The following GABPB2 variants were observed in gnomAD, a reference collection of about 807,000 sequenced individuals.
GABPB2 encodes GA-binding protein subunit beta-2.
In GABPB2, 23 loss-of-function variants were observed where a neutral mutation model predicts 39.1. The ratio of observed to expected loss-of-function variants is 0.59; its 90% CI spans 0.42 to 0.83. The LOEUF (loss-of-function observed/expected upper bound fraction) is 0.83. Among genes scored for constraint, GABPB2 ranks in the 40% least tolerant of loss-of-function variants. The probability of loss-of-function intolerance (pLI) is 0.00; values close to 1 mark genes in which losing one functional copy is unlikely to be tolerated. For missense variants in GABPB2, 467 were observed against 541.1 expected (o/e 0.86, Z 1.36); for synonymous variants, 184 against 199.3 (o/e 0.92, Z 0.65).
Position 151,118,131 on chromosome 1 carries a change from G to A in GABPB2, c.1222G>A (p.Val408Met), listed in dbSNP as rs779608321. Residue 408 changes from valine to methionine, a missense_variant, in exon 9 of 9, where the codon GTG becomes ATG. Transcript: ENST00000368918. ...NGVDFTMVEEVAEVDAVVVTE... is the reference protein window; with the variant it reads ...NGVDFTMVEEMAEVDAVVVTE... Reference sequence around the variant, plus strand: ...AGTTGATTTCACCATGGTTGAAGAGGTGGCTGAGGTAGATGCTGTAGTAGT... The same window carrying A: ...AGTTGATTTCACCATGGTTGAAGAGATGGCTGAGGTAGATGCTGTAGTAGT... 2.7e-5 allele frequency: 43 copies of A among 1,614,076 alleles called. No homozygotes were observed. Among genetic ancestry groups the A allele is most frequent in the South Asian group, 1.1e-4 (10 of 91,088 alleles).
At chr1:151,109,600 C>T (rs1417072079) in intron 7 of GABPB2, among the ~76,000 whole-genome samples, 1 of 151,226 alleles carries the variant, frequency 6.6e-6, no homozygotes, top group Non-Finnish European at 1.5e-5. Context: ...ACCTCGTGAT[C>T]CACCCTCCTC....
intron 1 of GABPB2, among the ~76,000 whole-genome samples, chr1:151,074,403 T>A (rs1318820780): frequency 6.7e-6 from 1 of 148,686 alleles, no homozygotes; most frequent in African/African-American, 2.5e-5. Context: ...CTCCACTTCC[T>A]GGGTTCACGC....
At chr1:151,073,283 A>G (rs1676875874) in intron 1 of GABPB2, 1 of 152,172 alleles carries the variant, frequency 6.6e-6, no homozygotes, top group Non-Finnish European at 1.5e-5. Context: ...TGGCTTCCCA[A>G]AGCACTGGGA....
chr1:151,110,045 A>C, intron 7 of GABPB2, among the ~76,000 whole-genome samples: 1 of 66,594 alleles, frequency 1.5e-5, no homozygotes, highest in Admixed American at 2.4e-4. Flanking sequence ...TTTTTTTTGC[A>C]GAGACAGGGT....
chr1:151,081,119 C>T (rs962723609), intron 1 of GABPB2, among the ~76,000 whole-genome samples: 3 of 151,350 alleles, frequency 2.0e-5, no homozygotes, highest in Non-Finnish European at 4.4e-5. Context: ...GTCATCCGCC[C>T]GTCTCGGCCT....
rs1164224832 is a variant in GABPB2, at chr1:151,120,073, C to T, written c.*1817C>T. 1 of 151,836 alleles carries T rather than the reference C, an allele frequency of 6.6e-6. No individual in the cohort carries two copies. Among genetic ancestry groups the T allele is most frequent in the Non-Finnish European group, 1.5e-5 (1 of 68,054 alleles). 9.4% of individuals were successfully genotyped at this position (151,836 alleles called of 1,614,324 possible). A position where few individuals can be genotyped will look rare whatever the true frequency, so the allele number is the denominator to read the frequency against. On this transcript the variant is annotated 3_prime_UTR_variant, in exon 9 of 9. Coordinates refer to ENST00000368918, the MANE Select transcript of GABPB2 (RefSeq NM_144618.3). ...TAAAAATACAAAATTAGGGCCAGAC[C>T]CGGCAGCTCATGCCTGTAATCCCAG...
chr1:151,082,934 C>A (rs1677848050), intron 1 of GABPB2, among the ~76,000 whole-genome samples: 1 of 151,000 alleles, frequency 6.6e-6, no homozygotes. Context: ...TATGATCATA[C>A]CACTGCACTC....
chr1:151,087,900 T>C (rs1678338154), intron 1 of GABPB2, among the ~76,000 whole-genome samples: 2 of 152,248 alleles, frequency 1.3e-5, no homozygotes, highest in South Asian at 4.1e-4. Flanking sequence ...GGGAATGAAA[T>C]GGTGTTTTAT....
At position 151,074,442 on chromosome 1, in the gene GABPB2, C is replaced by T. The variant is rs1676992700; in HGVS notation, c.-1+3508C>T. ...TATCCTGCCTCAGCCTCTCGAATAGCTGGGACTGCAGGCCCCCGCCACCAT... is the reference window on the plus strand; with the variant it reads ...TATCCTGCCTCAGCCTCTCGAATAGTTGGGACTGCAGGCCCCCGCCACCAT... On this transcript the variant is annotated intron_variant, in intron 1 of 8. Coordinates refer to ENST00000368918, the MANE Select transcript of GABPB2 (RefSeq NM_144618.3). Among the ~76,000 whole-genome samples the T allele has an allele frequency of 2.0e-5, 3 of 150,574 alleles. No homozygotes were observed. In the South Asian group the frequency reaches 6.3e-4, roughly 32 times the overall value.
At chr1:151,073,910 C>T (rs1676933252) in intron 1 of GABPB2, among the ~76,000 whole-genome samples, 2 of 151,110 alleles carry the variant, frequency 1.3e-5, no homozygotes, top group Admixed American at 1.3e-4. Flanking sequence ...CAGAGCAAGT[C>T]TCTGGCTAAA....
rs1172364139 is a variant in GABPB2 at position 151,123,172 on chromosome 1, A to G, written c.*4916A>G. On this transcript the variant is annotated 3_prime_UTR_variant, in exon 9 of 9. Transcript: ENST00000368918. Reference sequence around the variant, plus strand: ...ATTAAGAATCAAATAGCAGACAAAAATGGCTGGGCACGGTGGCTCACGCCT... The same window carrying G: ...ATTAAGAATCAAATAGCAGACAAAAGTGGCTGGGCACGGTGGCTCACGCCT... 1 of 152,210 alleles carries G rather than the reference A, an allele frequency of 6.6e-6. No individual in the cohort carries two copies. The highest frequency in any genetic ancestry group is 1.5e-5 in the Non-Finnish European group (1 of 68,056). 9.4% of individuals were successfully genotyped at this position (152,210 alleles called of 1,614,324 possible).
chr1:151,081,873 G>A (rs1558128243), intron 1 of GABPB2, among the ~76,000 whole-genome samples: 1 of 151,644 alleles, frequency 6.6e-6, no homozygotes, highest in African/African-American at 2.4e-5. Context: ...CTGACCTTAG[G>A]TGATCTGCCC....
intron 2 of GABPB2, among the ~76,000 whole-genome samples, chr1:151,088,984 G>A (rs1678444026): frequency 1.1e-5 from 1 of 94,026 alleles, no homozygotes; most frequent in Non-Finnish European, 2.7e-5. Flanking sequence ...TGGAAACTCT[G>A]TTTCAAAAAA....
chr1:151,125,306 C>T lies in GABPB2; in HGVS notation c.*7050C>T, dbSNP rs988135338. 6.6e-6 allele frequency: 1 copy of T among 152,130 alleles called. No individual in the cohort carries two copies. Among genetic ancestry groups the T allele is most frequent in the African/African-American group, 2.4e-5 (1 of 41,414 alleles). 9.4% of individuals were successfully genotyped at this position (152,130 alleles called of 1,614,324 possible). On this transcript the variant is annotated 3_prime_UTR_variant, in exon 9 of 9. Coordinates refer to ENST00000368918, the MANE Select transcript of GABPB2 (RefSeq NM_144618.3). The stretch of plus-strand genomic sequence containing the variant: ...GTGTGTGTGGGGGGATGCGCCCAGA[C>T]TGTTCTCACAATGTCCTCAGTTTTT...
At chr1:151,111,723 T>G (rs1680449181) in intron 7 of GABPB2, among the ~76,000 whole-genome samples, 1 of 151,178 alleles carries the variant, frequency 6.6e-6, no homozygotes, top group East Asian at 2.0e-4. Flanking sequence ...AATTTTTGTA[T>G]TTTTAGTAGA....
chr1:151,099,276 C>A (rs1420805566), intron 5 of GABPB2, among the ~76,000 whole-genome samples: 2 of 151,872 alleles, frequency 1.3e-5, no homozygotes, highest in African/African-American at 4.8e-5. Context: ...TGGCTCACTG[C>A]AACCTTTGCC....
rs1369428048 is a variant in GABPB2, at chr1:151,091,608, G to C, written c.276+1035G>C. Among the ~76,000 whole-genome samples, 4 of 150,882 alleles carry C rather than the reference G, an allele frequency of 2.7e-5. No homozygotes were observed. The Admixed American group carries it at 2.7e-4, about 10-fold the overall frequency. Reference sequence around the variant, plus strand: ...TCCTACCTCAGCCTCCCAAGTAGCTGTGATTACAGGCGCCCACCACCATGC... The same window carrying C: ...TCCTACCTCAGCCTCCCAAGTAGCTCTGATTACAGGCGCCCACCACCATGC... On this transcript the variant is annotated intron_variant, in intron 3 of 8. Transcript: ENST00000368918.
chr1:151,093,017 T>A (rs1678838399), intron 3 of GABPB2, among the ~76,000 whole-genome samples, 175 bp from the exon 4 acceptor site: 1 of 152,218 alleles, frequency 6.6e-6, no homozygotes, highest in Non-Finnish European at 1.5e-5. Context: ...TTGAAAGCAT[T>A]ATGTCTGTCA....
At position 151,095,395 on chromosome 1, in the gene GABPB2, G is replaced by A. The variant is rs587627883; in HGVS notation, c.471+2009G>A. Among the ~76,000 whole-genome samples the A allele has an allele frequency of 8.8e-4, 134 of 152,282 alleles. 1 individual carries two copies. Among genetic ancestry groups the A allele is most frequent in the South Asian group, 5.0e-3 (24 of 4,828 alleles). ...AAGGAGTTTGAACTATTATGTGGGC[G>A]ATGCATTTGGATAGAAGTTTTTAAA... On this transcript the variant is annotated intron_variant, in intron 4 of 8. Transcript: ENST00000368918.
Sources: allele counts gnomAD v4.1 joint callset (sites outside exome capture counted in the v4.1 genomes callset), GRCh38; gene constraint gnomAD v4.1.1; transcripts MANE v1.5; gene names NCBI Gene and HGNC (gene_info 2026-07-23, HGNC 2026-07-21).